CUL2: variants seen among roughly 807,000 people sequenced by gnomAD.
CUL2 encodes cullin 2.
In CUL2, 22 loss-of-function variants were observed where a neutral mutation model predicts 110.2. The observed-to-expected ratio is 0.20, with a 90% CI of 0.14 to 0.28. CUL2 has a LOEUF of 0.28. Ranked by LOEUF, CUL2 falls within the 10% of genes least tolerant of loss-of-function variation. CUL2 has a pLI of 1.00. For synonymous variants in CUL2, 279 were observed against 293.2 expected, an observed-to-expected ratio of 0.95 and a Z score of 0.49; for missense variants, 631 against 905.5, an observed-to-expected ratio of 0.70 and a Z score of 3.89.
At chr10:35,068,999 G>A (rs1052327917) in intron 2 of CUL2, among the ~76,000 whole-genome samples, 2 of 152,082 alleles carry the variant, frequency 1.3e-5, no homozygotes, top group Non-Finnish European at 2.9e-5. Flanking sequence ...CTCCCAAGTA[G>A]CTGAGATTCC....
At chr10:35,054,581 C>A in intron 4 of CUL2, 42 bp from the exon 5 acceptor site, 1 of 1,133,292 alleles carries the variant, frequency 8.8e-7, no homozygotes, top group Non-Finnish European at 1.3e-6. Flanking sequence ...AAGTTAAAGT[C>A]AGTAGGAAAG....
At position 35,112,227 on chromosome 10, in the gene CUL2, TCTG is replaced by T. The variant is rs1448574057; in HGVS notation, c.-50-11170_-50-11168del. Among the ~76,000 whole-genome samples the T allele has an allele frequency of 2.6e-5, 4 of 152,362 alleles. No individual in the cohort carries two copies. The South Asian group carries it at 8.3e-4, about 32-fold the overall frequency. ...TTGTTGAACTCTCGTCTGCTGGAAC[TCTG>T]CTTTCAGCGAAGATGGAAAGACCAG... On this transcript the variant is annotated intron_variant, in intron 1 of 5. Coordinates refer to the CUL2 transcript ENST00000685421.
At chr10:35,019,081 T>C (rs2085120838) in intron 17 of CUL2, among the ~76,000 whole-genome samples, 1 of 152,168 alleles carries the variant, frequency 6.6e-6, no homozygotes, top group Admixed American at 6.6e-5. Flanking sequence ...ACATTTAAGT[T>C]TGGAAAATGT....
At chr10:35,103,235 T>C (rs1369078320) in intron 1 of CUL2, among the ~76,000 whole-genome samples, 1 of 150,254 alleles carries the variant, frequency 6.7e-6, no homozygotes. Context: ...TTCAAACTCC[T>C]GGGCTCAAGG....
At chr10:35,119,723 C>T (rs2087655019) in intron 1 of CUL2, among the ~76,000 whole-genome samples, 1 of 151,800 alleles carries the variant, frequency 6.6e-6, no homozygotes, top group Admixed American at 6.6e-5. Context: ...GACATGCTAC[C>T]ACATCTGGCT....
At position 35,044,649 on chromosome 10, in the gene CUL2, A is replaced by G. The variant is rs1416520412; in HGVS notation, c.631T>C (p.Phe211Leu). The change falls in exon 8 of 21, where the codon TTT (phenylalanine) becomes CTT (leucine). Residue 211 changes from phenylalanine to leucine, a missense_variant. Coordinates refer to ENST00000374749, the MANE Select transcript of CUL2 (RefSeq NM_003591.4). ...TAATACTCTCCTGTTTCAGTCAGAA[A>G]GGGAGACTCAAAAATTTCCTGATAA... ...KFYQEIFESP[F>L]LTETGEYYKQ... 7.5e-6 allele frequency: 12 copies of G among 1,609,710 alleles called. No individual in the cohort carries two copies. The highest frequency in any genetic ancestry group is 5.3e-5 in the African/African-American group (4 of 74,902).
At position 35,044,530 on chromosome 10, in the gene CUL2, A is replaced by G. The variant is rs955041059; in HGVS notation, c.714+36T>C. 5 of 1,356,290 alleles carry G rather than the reference A, an allele frequency of 3.7e-6. No individual in the cohort carries two copies. In the African/African-American group the frequency reaches 7.3e-5, roughly 20 times the overall value. The allele number at this position is 1,356,290 out of a possible 1,614,324, so 84.0% of individuals were successfully genotyped here. On this transcript the variant is annotated intron_variant, in intron 8 of 20. Coordinates refer to ENST00000374749, the MANE Select transcript of CUL2 (RefSeq NM_003591.4). ...TTAAATAAAACCAGGCCAGATACAA[A>G]ATAGATAAATGTATTCGATATGTTT...
At chr10:35,049,181 G>A (rs2086026410) in intron 6 of CUL2, among the ~76,000 whole-genome samples, 1 of 152,186 alleles carries the variant, frequency 6.6e-6, no homozygotes, top group Non-Finnish European at 1.5e-5. Context: ...GGTAAAAAGT[G>A]TTAACCACTC....
At chr10:35,076,542 GA>G (rs1049013370) in intron 1 of CUL2, among the ~76,000 whole-genome samples, 67 of 152,178 alleles carry the variant, frequency 4.4e-4, no homozygotes, top group Non-Finnish European at 6.8e-4. Context: ...ATAAAATTCT[GA>G]AATCTCAATC....
chr10:35,035,079 T>C (rs2085585591), intron 10 of CUL2, 93 bp downstream of exon 10: 16 of 1,461,156 alleles, frequency 1.1e-5, no homozygotes, highest in Non-Finnish European at 1.5e-5. Context: ...GGTAAGACTT[T>C]TTCTTTCATC....
intron 17 of CUL2, among the ~76,000 whole-genome samples, chr10:35,023,159 T>TA (rs1424806137): frequency 6.6e-6 from 1 of 152,194 alleles, no homozygotes; most frequent in African/African-American, 2.4e-5. Context: ...TAGCTTGAGT[T>TA]AATCATTTTA....
chr10:35,014,761 A>G (rs1005591828), intron 18 of CUL2, among the ~76,000 whole-genome samples: 7 of 152,136 alleles, frequency 4.6e-5, no homozygotes, highest in Admixed American at 3.9e-4. Flanking sequence ...TGAGCCCAGG[A>G]GGTGGGGATT....
At chr10:35,059,042 T>C (rs745632943) in intron 4 of CUL2, among the ~76,000 whole-genome samples, 6 of 152,202 alleles carry the variant, frequency 3.9e-5, no homozygotes, top group Non-Finnish European at 7.3e-5. Context: ...AATCTCATGA[T>C]ATAACTTGAA....
At chr10:35,017,563 A>T (rs1020110267) in intron 17 of CUL2, among the ~76,000 whole-genome samples, 1 of 152,024 alleles carries the variant, frequency 6.6e-6, no homozygotes, top group Non-Finnish European at 1.5e-5. Flanking sequence ...GCATGATGGC[A>T]TATGCCTGTA....
chr10:35,063,595 T>C (rs943269370), intron 2 of CUL2, among the ~76,000 whole-genome samples: 8 of 152,102 alleles, frequency 5.3e-5, no homozygotes, highest in African/African-American at 1.9e-4. Context: ...TGAATAGGAA[T>C]ATCAATTAAG....
Position 35,032,498 on chromosome 10 carries a change from A to G in CUL2, c.1111-4T>C. 1 of 1,585,070 alleles carries G rather than the reference A, an allele frequency of 6.3e-7. No homozygotes were observed. The highest frequency in any genetic ancestry group is 1.2e-5 in the South Asian group (1 of 85,594). On this transcript the variant is annotated splice_polypyrimidine_tract_variant and splice_region_variant and intron_variant, in intron 11 of 20. Coordinates refer to ENST00000374749, the MANE Select transcript of CUL2 (RefSeq NM_003591.4). Reference sequence around the variant, plus strand: ...AATTTACAACTGACGTAAGGGCCTGAATAAAAAAACACGCCATAATTAACC... The same window carrying G: ...AATTTACAACTGACGTAAGGGCCTGGATAAAAAAACACGCCATAATTAACC...
chr10:35,056,393 A>G (rs530901649), intron 4 of CUL2, among the ~76,000 whole-genome samples: 1 of 152,344 alleles, frequency 6.6e-6, no homozygotes, highest in South Asian at 2.1e-4. Context: ...CACAGCCCTA[A>G]GCATTTTATG....
chr10:35,011,616 T>TCAACAA (rs928738417), intron 20 of CUL2, among the ~76,000 whole-genome samples: 16 of 152,066 alleles, frequency 1.1e-4, no homozygotes, highest in Admixed American at 3.3e-4. Context: ...AGACTCTGTC[T>TCAACAA]CAACAACAAC....
At chr10:35,033,744 C>T (rs1462565176) in intron 10 of CUL2, among the ~76,000 whole-genome samples, 1 of 67,212 alleles carries the variant, frequency 1.5e-5, no homozygotes, top group African/African-American at 5.6e-5. Flanking sequence ...CTCAGAAAAA[C>T]AACAACAACA....
Sources: gnomAD v4.1 joint callset for allele counts (sites outside exome capture counted in the v4.1 genomes callset) on GRCh38, gnomAD v4.1.1 for gene constraint, MANE v1.5 for transcripts, NCBI Gene and HGNC (gene_info 2026-07-23, HGNC 2026-07-21) for gene names.